Variants in A2ML1 observed in about 807,000 individuals in gnomAD.
A2ML1 encodes alpha-2-macroglobulin-like protein 1.
A neutral mutation model predicts 181.9 loss-of-function variants in A2ML1; 161 were observed. That is an observed-to-expected ratio of 0.89 (90% CI 0.78 to 1.01). A2ML1 has a LOEUF of 1.01. Among genes scored for constraint, A2ML1 ranks in the 50% least tolerant of loss-of-function variants. A2ML1 has a pLI of 0.00. For missense variants in A2ML1, 1,670 were observed against 1,768.1 expected (o/e 0.94, Z 1.00); for synonymous variants, 663 against 666.8 (o/e 0.99, Z 0.09).
intron 35 of A2ML1, 79 bp downstream of exon 35, chr12:8,875,091 C>A: frequency 6.7e-7 from 1 of 1,481,946 alleles, no homozygotes; most frequent in Non-Finnish European, 9.4e-7. Context: ...GAGTTACTGT[C>A]ATTGTCTTTT....
At chr12:8,866,393 C>A (rs4883190) in intron 29 of A2ML1, among the ~76,000 whole-genome samples, 1 of 149,600 alleles carries the variant, frequency 6.7e-6, no homozygotes, top group Non-Finnish European at 1.5e-5. Context: ...TGGTACTATG[C>A]CTCCCTGTTT....
chr12:8,857,693 C>A, intron 25 of A2ML1, 105 bp downstream of exon 25: 1 of 1,285,688 alleles, frequency 7.8e-7, no homozygotes. Context: ...CCTTCTTGCA[C>A]TCAGTCTTCT....
chr12:8,857,649 G>A (rs1239510540), intron 25 of A2ML1, 61 bp downstream of exon 25: 5 of 1,541,164 alleles, frequency 3.2e-6, no homozygotes, highest in African/African-American at 1.4e-5. Context: ...GAGCCCTCTG[G>A]AACTATTCCA....
At position 8,847,692 on chromosome 12, in the gene A2ML1, C is replaced by T; in HGVS notation, c.1827C>T (p.Asn609=). 1.2e-6 allele frequency: 2 copies of T among 1,610,702 alleles called. No homozygotes were observed. Among genetic ancestry groups the T allele is most frequent in the Non-Finnish European group, 1.7e-6 (2 of 1,178,662 alleles). ...LLLRPDRELS[N]RSVYGMFPFW... is the part of the protein sequence containing the mutation. The stretch of plus-strand genomic sequence containing the variant: ...TTAGGCCAGACAGAGAGCTGAGCAA[C>T]CGCTCTGTGAGTAACTGTCTGCTGA... The change falls in exon 15 of 36, where the codon AAC becomes AAT. Residue 609 remains asparagine (N), a synonymous_variant. Transcript: ENST00000299698.
downstream of A2ML1, among the ~76,000 whole-genome samples, chr12:8,880,826 C>T (rs1001539238): frequency 6.6e-6 from 1 of 152,094 alleles, no homozygotes; most frequent in African/African-American, 2.4e-5. Context: ...CCTGAGGTTT[C>T]ATAGAGGCAG....
chr12:8,831,069 T>A (rs932708654), intron 4 of A2ML1: 4 of 151,916 alleles, frequency 2.6e-5, no homozygotes, highest in African/African-American at 9.7e-5. Context: ...CCCATCTCAG[T>A]CTCCCCAGTA....
downstream of A2ML1, among the ~76,000 whole-genome samples, chr12:8,877,692 T>A (rs759296618): frequency 3.3e-5 from 5 of 152,184 alleles, no homozygotes; most frequent in Non-Finnish European, 5.9e-5. Context: ...TAAGAGATGT[T>A]GGCGAGGTAG....
At chr12:8,850,340 T>TG in intron 18 of A2ML1, 66 bp downstream of exon 18, 7 of 1,244,836 alleles carry the variant, frequency 5.6e-6, no homozygotes, top group Non-Finnish European at 7.8e-6. Context: ...ATCCCAACAC[T>TG]TTGGGAGGCT....
intron 10 of A2ML1, among the ~76,000 whole-genome samples, chr12:8,839,989 C>T (rs1324905913): frequency 5.3e-5 from 8 of 152,058 alleles, no homozygotes; most frequent in South Asian, 2.1e-4. Context: ...TCAGGTGATC[C>T]GTCCACCTGG....
In A2ML1 at chr12:8,854,143, C is replaced by T; in HGVS notation, c.2606C>T (p.Thr869Ile). The T allele has an allele frequency of 6.3e-7, 1 of 1,598,916 alleles. No homozygotes were observed. Among genetic ancestry groups the T allele is most frequent in the Non-Finnish European group, 8.5e-7 (1 of 1,172,354 alleles). The change falls in exon 21 of 36, where the codon ACT becomes ATT. Residue 869 changes from threonine (T) to isoleucine (I), a missense_variant. By Grantham distance (89) the Thr-to-Ile change is moderately conservative. Coordinates refer to ENST00000299698, the MANE Select transcript of A2ML1 (RefSeq NM_144670.6). The part of the protein sequence containing the change: ...TAVKLGHINF[T>I]ISTKILDSNE... ...TTTCTCTCAGGTCACATTAACTTTA[C>T]TATTAGTACAAAGATTCTGGACAGC...
intron 21 of A2ML1, among the ~76,000 whole-genome samples, chr12:8,854,528 A>G (rs183086584): frequency 2.6e-5 from 4 of 152,268 alleles, no homozygotes; most frequent in African/African-American, 9.6e-5. Context: ...CATGAAGCCC[A>G]TTGTCAATCT....
chr12:8,866,917 CATTT>C (rs1944444569), intron 29 of A2ML1, among the ~76,000 whole-genome samples: 1 of 152,032 alleles, frequency 6.6e-6, no homozygotes, highest in Non-Finnish European at 1.5e-5. Context: ...ACACTTCATT[CATTT>C]TTCTTTCCCC....
chr12:8,842,369 C>A (rs1239016885), intron 11 of A2ML1, among the ~76,000 whole-genome samples: 1 of 150,118 alleles, frequency 6.7e-6, no homozygotes, highest in Non-Finnish European at 1.5e-5. Context: ...CAGGCGCCTG[C>A]CACCACGCCC....
chr12:8,860,976 C>G, intron 27 of A2ML1, 21 bp downstream of exon 27: 2 of 1,613,740 alleles, frequency 1.2e-6, no homozygotes, highest in Non-Finnish European at 1.7e-6. Flanking sequence ...CTGGCTCCTG[C>G]TCTTGATACC....
At chr12:8,885,441 C>CT (rs1187229937) in intron 7 of A2ML1, among the ~76,000 whole-genome samples, 1 of 151,340 alleles carries the variant, frequency 6.6e-6, no homozygotes, top group Non-Finnish European at 1.5e-5. Context: ...CAAATAAAAG[C>CT]TTTTTATTTT....
At chr12:8,860,114 C>T (rs1159704772) in intron 26 of A2ML1, among the ~76,000 whole-genome samples, 1 of 152,092 alleles carries the variant, frequency 6.6e-6, no homozygotes, top group Admixed American at 6.5e-5. Context: ...GATCATGGCT[C>T]ACTGCAGCCT....
At position 8,857,318 on chromosome 12, in the gene A2ML1, G is replaced by T; in HGVS notation, c.3003G>T (p.Arg1001=). Residue 1001 remains arginine, a synonymous_variant, in exon 24 of 36, where the codon CGG becomes CGT. Coordinates refer to ENST00000299698, the MANE Select transcript of A2ML1 (RefSeq NM_144670.6). ...TGCTGACGGAGGAGATCAGGTCTCG[G>T]GCAGTGGGTTTCCTGGAAATAGGTA... ...AGLLTEEIRS[R]AVGFLEIGYQ... The T allele has an allele frequency of 6.2e-7, 1 of 1,613,986 alleles. No individual in the cohort carries two copies. Among genetic ancestry groups the T allele is most frequent in the Non-Finnish European group, 8.5e-7 (1 of 1,179,990 alleles).
Position 8,855,516 on chromosome 12 carries a change from G to A in A2ML1, c.2772G>A (p.Val924=). The part of the protein sequence containing the change: ...HSSLLCPKGK[V]ASESVSLELP... ...TTTTTCTGCATCTCACAGGAAAGGT[G>A]GCATCTGAATCTGTCTCCCTGGAGC... is the stretch of plus-strand genomic sequence containing the variant. Residue 924 remains valine, a synonymous_variant, in exon 23 of 36, where the codon GTG becomes GTA. Coordinates refer to ENST00000299698, the MANE Select transcript of A2ML1 (RefSeq NM_144670.6). 6.2e-7 allele frequency: 1 copy of A among 1,614,064 alleles called. No homozygotes were observed. The highest frequency in any genetic ancestry group is 8.5e-7 in the Non-Finnish European group (1 of 1,179,998).
At chr12:8,848,296 C>T (rs1826853411) in intron 15 of A2ML1, among the ~76,000 whole-genome samples, 2 of 152,036 alleles carry the variant, frequency 1.3e-5, no homozygotes, top group Admixed American at 6.6e-5. Flanking sequence ...GCCTGACCAA[C>T]ATGGTGAAAC....
Sources: allele counts gnomAD v4.1 joint callset (sites outside exome capture counted in the v4.1 genomes callset), GRCh38; gene constraint gnomAD v4.1.1; transcripts MANE v1.5; gene names NCBI Gene and HGNC (gene_info 2026-07-23, HGNC 2026-07-21).